The following DHX38 variants were observed in gnomAD, a reference collection of about 807,000 sequenced individuals.
DHX38 encodes DEAH-box helicase 38.
In DHX38, 100 loss-of-function variants were observed where a neutral mutation model predicts 153.1. That is an observed-to-expected ratio of 0.65 (90% CI 0.56 to 0.77). The LOEUF (loss-of-function observed/expected upper bound fraction) is 0.77, where lower values mean the gene tolerates loss of function less well. Ranked by LOEUF, DHX38 falls within the 30% of genes least tolerant of loss-of-function variation. The pLI, the probability that DHX38 is intolerant of heterozygous loss-of-function variation, is 0.00. For missense variants in DHX38, 1,440 were observed against 1,654.0 expected (o/e 0.87, Z 2.24); for synonymous variants, 650 against 631.7 (o/e 1.03, Z -0.43).
At position 72,108,571 on chromosome 16, in the gene DHX38, C is replaced by G. The variant is rs1238264478; in HGVS notation, c.3219C>G (p.Ile1073Met). The change falls in exon 23 of 27, where the codon ATC becomes ATG. Residue 1073 changes from isoleucine to methionine, a missense_variant. By Grantham distance (10) the Ile-to-Met change is conservative. Transcript: ENST00000268482. ...GTDWDIVRKC[I>M]CAAYFHQAAK... is the part of the protein sequence containing the mutation. Reference sequence around the variant, plus strand: ...ACTGGGACATCGTCAGGAAGTGCATCTGTGCTGCCTATTTCCACCAAGCAG... The same window carrying G: ...ACTGGGACATCGTCAGGAAGTGCATGTGTGCTGCCTATTTCCACCAAGCAG... 6.2e-7 allele frequency: 1 copy of G among 1,614,162 alleles called. No individual in the cohort carries two copies. The highest frequency in any genetic ancestry group is 2.2e-5 in the East Asian group (1 of 44,868).
intron 1 of DHX38, among the ~76,000 whole-genome samples, chr16:72,094,825 A>C (rs535575711): frequency 1.4e-4 from 22 of 152,378 alleles, no homozygotes; most frequent in African/African-American, 4.3e-4. Flanking sequence ...AGTCAACAAC[A>C]CATCCAGTGT....
chr16:72,096,484 A>G lies in DHX38; in HGVS notation c.323+4A>G. 1 of 1,610,126 alleles carries G rather than the reference A, an allele frequency of 6.2e-7. No homozygotes were observed. Among genetic ancestry groups the G allele is most frequent in the East Asian group, 2.2e-5 (1 of 44,860 alleles). On this transcript the variant is annotated splice_donor_region_variant and intron_variant, in intron 2 of 26. Transcript: ENST00000268482. ...GCCAAAATATCCGGAAAGACAGGTA[A>G]AGGCCTTAGTATGGGTTAGCCCAGA... is the stretch of plus-strand genomic sequence containing the variant.
chr16:72,099,967 G>A, intron 8 of DHX38, 80 bp downstream of exon 8: 1 of 1,518,750 alleles, frequency 6.6e-7, no homozygotes, highest in Non-Finnish European at 8.9e-7. Flanking sequence ...ATCCCCAAGT[G>A]AGGGCAGCAC....
At position 72,099,838 on chromosome 16, in the gene DHX38, A is replaced by G. The variant is rs1248943766; in HGVS notation, c.1067A>G (p.His356Arg). The change falls in exon 8 of 27, where the codon CAT becomes CGT. Residue 356 changes from histidine (H) to arginine (R), a missense_variant. By Grantham distance (29) the His-to-Arg change is conservative (BLOSUM62 0). This residue lies in a region of DHX38 where 77 missense variants were observed against 125.4 expected (regional missense o/e 0.61). Coordinates refer to ENST00000268482, the MANE Select transcript of DHX38 (RefSeq NM_014003.4). ...DYVRRREQHLHKQKQKRISAQ... is the reference protein window; with the variant it reads ...DYVRRREQHLRKQKQKRISAQ... ...GTGAGGAGGCGGGAGCAGCACCTGC[A>G]TAAACAGAAGCAGAAGCGCATTTCA... The G allele has an allele frequency of 3.1e-6, 5 of 1,613,442 alleles. No individual in the cohort carries two copies. In the African/African-American group the frequency reaches 5.3e-5, roughly 17 times the overall value.
At position 72,108,879 on chromosome 16, in the gene DHX38, A is replaced by G. The variant is rs754631883; in HGVS notation, c.3335A>G (p.Tyr1112Cys). ...ACCAGCTCCCTTTTTGGAATGGGCT[A>G]CACCCCAGATTACATAGTGTATCAC... ...HPTSSLFGMG[Y>C]TPDYIVYHEL... Residue 1112 changes from tyrosine (Y) to cysteine (C), a missense_variant, in exon 24 of 27, where the codon TAC (tyrosine) becomes TGC (cysteine). Transcript: ENST00000268482. 4 of 1,613,650 alleles carry G rather than the reference A, an allele frequency of 2.5e-6. No individual in the cohort carries two copies.
intron 21 of DHX38, 95 bp from the exon 22 acceptor site, chr16:72,108,132 T>C (rs1487207810): frequency 2.2e-6 from 3 of 1,380,546 alleles, no homozygotes; most frequent in South Asian, 1.3e-5. Context: ...TGAAGTTCTA[T>C]GTGTGGGTAG....
intron 25 of DHX38, 32 bp downstream of exon 25, chr16:72,109,542 GTT>G: frequency 6.3e-7 from 1 of 1,589,186 alleles, no homozygotes; most frequent in Non-Finnish European, 8.6e-7. Context: ...CAGGGGTGCT[GTT>G]TGCCTGTGGG....
Position 72,096,910 on chromosome 16 carries a change from G to A in DHX38, c.412G>A (p.Glu138Lys). 1.2e-6 allele frequency: 2 copies of A among 1,614,096 alleles called. No homozygotes were observed. The highest frequency in any genetic ancestry group is 1.7e-6 in the Non-Finnish European group (2 of 1,179,986). The part of the protein sequence containing the change: ...FWERSRQRER[E>K]RREHGVYASS... Reference sequence around the variant, plus strand: ...GGAACGCAGTCGGCAGAGAGAGCGGGAGCGGCGGGAACATGGTGTCTATGC... The same window carrying A: ...GGAACGCAGTCGGCAGAGAGAGCGGAAGCGGCGGGAACATGGTGTCTATGC... Residue 138 changes from glutamate to lysine, a missense_variant, in exon 3 of 27, where the codon GAG becomes AAG. Physicochemically the swap from Glu to Lys is moderately conservative, Grantham distance 56. Coordinates refer to ENST00000268482, the MANE Select transcript of DHX38 (RefSeq NM_014003.4).
intron 26 of DHX38, among the ~76,000 whole-genome samples, chr16:72,111,291 G>A (rs1306982714): frequency 2.0e-5 from 3 of 152,250 alleles, no homozygotes; most frequent in Non-Finnish European, 4.4e-5. Context: ...CAGGGATTCA[G>A]GGCCTGAGGC....
chr16:72,099,684 T>A, intron 7 of DHX38, 48 bp from the exon 8 acceptor site: 1 of 1,606,466 alleles, frequency 6.2e-7, no homozygotes, highest in South Asian at 1.1e-5. Context: ...GTCTCGTGCA[T>A]AAACTTGATC....
chr16:72,109,626 A>C (rs1409801252), intron 25 of DHX38, 116 bp downstream of exon 25: 5 of 959,502 alleles, frequency 5.2e-6, no homozygotes, highest in Non-Finnish European at 7.4e-6. Context: ...TGCAAACATA[A>C]AGGCTGTGAT....
rs753194495 is a variant in DHX38, at chr16:72,105,213, C to T, written c.2263-19C>T. 1 of 1,613,884 alleles carries T rather than the reference C, an allele frequency of 6.2e-7. No homozygotes were observed. The highest frequency in any genetic ancestry group is 8.5e-7 in the Non-Finnish European group (1 of 1,179,764). On this transcript the variant is annotated intron_variant, in intron 16 of 26. Transcript: ENST00000268482. ...AGGTTAGGGTTCCAGTGTCTCACAG[C>T]TCCTCCCTGGGCTCTCAGGTGACCT...
chr16:72,100,744 A>G (rs1358069133), intron 9 of DHX38, 147 bp downstream of exon 9: 2 of 1,207,680 alleles, frequency 1.7e-6, no homozygotes, highest in African/African-American at 1.5e-5. Context: ...CTGCCTGGGC[A>G]ATATAGTGAA....
chr16:72,108,286 T>C lies in DHX38; in HGVS notation c.3024T>C (p.His1008=), dbSNP rs1248532318. 5.0e-6 allele frequency: 8 copies of C among 1,614,014 alleles called. No individual in the cohort carries two copies. Among genetic ancestry groups the C allele is most frequent in the Non-Finnish European group, 6.8e-6 (8 of 1,180,038 alleles). The change falls in exon 22 of 27, where the codon CAT becomes CAC. Residue 1008 remains histidine, a synonymous_variant. Transcript: ENST00000268482. ...AGTTCGCTGTTCCTGAGAGCGATCA[T>C]TTGACCTACCTGAATGTTTACCTGC... ...REKFAVPESD[H]LTYLNVYLQW...
rs1369222074 is a variant in DHX38, at chr16:72,107,819, C to T, written c.2964+20C>T. ...CCCAAGGTGGGGCAGCGGCTGGCTC[C>T]CCTCTCCCCGGAGGGCTCGAGGAAG... On this transcript the variant is annotated intron_variant, in intron 21 of 26. Coordinates refer to ENST00000268482, the MANE Select transcript of DHX38 (RefSeq NM_014003.4). This position sits in a 1 kb window ranked among gnomAD's most constrained non-coding sequence, Gnocchi z 5.3. 6.2e-7 allele frequency: 1 copy of T among 1,610,768 alleles called. No individual in the cohort carries two copies. The highest frequency in any genetic ancestry group is 8.5e-7 in the Non-Finnish European group (1 of 1,179,048).
At chr16:72,105,817 A>ATG (rs775759450) in intron 18 of DHX38, among the ~76,000 whole-genome samples, 188 bp from the exon 19 acceptor site, 3 of 152,148 alleles carry the variant, frequency 2.0e-5, no homozygotes, top group Non-Finnish European at 4.4e-5. Flanking sequence ...GAGGTAGATA[A>ATG]TTTAACAGTA....
chr16:72,109,616 T>C, intron 25 of DHX38, 106 bp downstream of exon 25: 1 of 1,048,920 alleles, frequency 9.5e-7, no homozygotes, highest in African/African-American at 1.7e-5. Flanking sequence ...TACTTCTCTC[T>C]GCAAACATAA....
rs759034568 is a variant in DHX38 at position 72,099,833 on chromosome 16, C to T, written c.1062C>T (p.His354=). The T allele has an allele frequency of 2.5e-6, 4 of 1,613,492 alleles. No individual in the cohort carries two copies. In the African/African-American group the frequency reaches 5.3e-5, roughly 22 times the overall value. ...ACTACGTGAGGAGGCGGGAGCAGCA[C>T]CTGCATAAACAGAAGCAGAAGCGCA... is the stretch of plus-strand genomic sequence containing the variant. ...SEDYVRRREQ[H]LHKQKQKRIS... Residue 354 remains histidine (H), a synonymous_variant, in exon 8 of 27, where the codon CAC becomes CAT. Transcript: ENST00000268482.
chr16:72,104,946 C>A lies in DHX38; in HGVS notation c.2152-81C>A. ...TCCATGGCTCCATTCCAGAGCAGTG[C>A]CTGGGCCACTGGGCTCCCAGGAGAT... On this transcript the variant is annotated intron_variant, in intron 15 of 26. Coordinates refer to ENST00000268482, the MANE Select transcript of DHX38 (RefSeq NM_014003.4). The surrounding 1 kb of genome is among the most constrained non-coding windows in gnomAD (Gnocchi z 4.5). The A allele has an allele frequency of 7.3e-7, 1 of 1,369,656 alleles. No individual in the cohort carries two copies. Among genetic ancestry groups the A allele is most frequent in the Admixed American group, 2.0e-5 (1 of 49,832 alleles). 84.8% of individuals were successfully genotyped at this position (1,369,656 alleles called of 1,614,324 possible).
Sources: allele counts gnomAD v4.1 joint callset (sites outside exome capture counted in the v4.1 genomes callset), GRCh38; gene constraint gnomAD v4.1.1; regional missense constraint gnomAD v4.1.1; non-coding constraint Gnocchi (gnomAD v3.1); transcripts MANE v1.5; gene names NCBI Gene and HGNC (gene_info 2026-07-23, HGNC 2026-07-21).